NCOA1: variants seen among roughly 807,000 people sequenced by gnomAD.
The protein encoded by NCOA1 is nuclear receptor coactivator 1, also known as Hin-2 protein.
A neutral mutation model predicts 150.9 loss-of-function variants in NCOA1; 35 were observed. The observed-to-expected ratio is 0.23, with a 90% CI of 0.18 to 0.31. The LOEUF is 0.31. Ranked by LOEUF, NCOA1 falls within the 10% of genes least tolerant of loss-of-function variation. NCOA1 has a pLI of 1.00. For missense variants in NCOA1, 1,491 were observed against 1,749.3 expected (o/e 0.85, Z 2.63); for synonymous variants, 590 against 630.0 (o/e 0.94, Z 0.95).
chr2:24,751,823 G>C (rs1308178520), intron 19 of NCOA1, among the ~76,000 whole-genome samples, 159 bp from the exon 20 acceptor site: 1 of 152,096 alleles, frequency 6.6e-6, no homozygotes, highest in Non-Finnish European at 1.5e-5. Flanking sequence ...TCCATGCTCT[G>C]TTGAATGCGA....
intron 21 of NCOA1, among the ~76,000 whole-genome samples, chr2:24,759,007 A>C (rs942554442): frequency 2.0e-5 from 3 of 152,114 alleles, no homozygotes; most frequent in Admixed American, 6.6e-5. Context: ...AAACAAACAA[A>C]AAAACAGTAC....
At chr2:24,639,914 G>GTGTGTGTA (rs1670111549) in intron 3 of NCOA1, among the ~76,000 whole-genome samples, 1 of 19,570 alleles carries the variant, frequency 5.1e-5, no homozygotes, top group Non-Finnish European at 9.2e-5. Flanking sequence ...GTATGTGTGT[G>GTGTGTGTA]TGTATATATA....
chr2:24,609,242 A>G (rs1038059714), intron 3 of NCOA1, among the ~76,000 whole-genome samples: 1 of 152,200 alleles, frequency 6.6e-6, no homozygotes, highest in Non-Finnish European at 1.5e-5. Flanking sequence ...TATTTATTTA[A>G]CCATATGTTT....
chr2:24,595,561 A>AT (rs1023189159), intron 3 of NCOA1, among the ~76,000 whole-genome samples: 6 of 152,270 alleles, frequency 3.9e-5, no homozygotes, highest in African/African-American at 1.2e-4. Flanking sequence ...GCTTTCTAGA[A>AT]TCACTTAATT....
At chr2:24,745,157 CTTTTTTTTT>C (rs201221705) in intron 19 of NCOA1, among the ~76,000 whole-genome samples, 8 of 131,686 alleles carry the variant, frequency 6.1e-5, no homozygotes, top group African/African-American at 2.3e-4. Context: ...TTTCTTTTTT[CTTTTTTTTT>C]TTTTTTTTTC....
At chr2:24,760,262 C>G (rs1453218924) in intron 21 of NCOA1, among the ~76,000 whole-genome samples, 1 of 150,018 alleles carries the variant, frequency 6.7e-6, no homozygotes, top group African/African-American at 2.4e-5. Flanking sequence ...GCTTCAGACT[C>G]CCAAGTAGCT....
At chr2:24,557,095 C>T (rs764060433) in intron 1 of NCOA1, among the ~76,000 whole-genome samples, 4 of 149,842 alleles carry the variant, frequency 2.7e-5, no homozygotes, top group East Asian at 1.9e-4. Flanking sequence ...GTAGCAGCCA[C>T]GCCCCATTCC....
chr2:24,579,871 G>A (rs1667130753), intron 2 of NCOA1, among the ~76,000 whole-genome samples: 4 of 152,104 alleles, frequency 2.6e-5, no homozygotes, highest in Admixed American at 2.0e-4. Flanking sequence ...ATTAGCTCCC[G>A]CTGCCAACCA....
chr2:24,566,637 C>T (rs1666520128), intron 2 of NCOA1, among the ~76,000 whole-genome samples: 1 of 152,198 alleles, frequency 6.6e-6, no homozygotes, highest in Non-Finnish European at 1.5e-5. Context: ...GGTGAGGCTT[C>T]ACCAGGGACC....
chr2:24,762,865 G>A lies in NCOA1; in HGVS notation c.4155+89G>A. The A allele has an allele frequency of 5.1e-6, 6 of 1,188,072 alleles. No individual in the cohort carries two copies. The South Asian group carries it at 7.6e-5, about 15-fold the overall frequency. The allele number at this position is 1,188,072 out of a possible 1,614,324, so 73.6% of individuals were successfully genotyped here. On this transcript the variant is annotated intron_variant, in intron 22 of 22. Coordinates refer to ENST00000348332, the MANE Select transcript of NCOA1 (RefSeq NM_003743.5). ...GTAGCATCATTAAGAGCCTGACCTT[G>A]GGAGTCAGACCTGGGTGTGAGTCCT...
intron 1 of NCOA1, among the ~76,000 whole-genome samples, chr2:24,540,719 G>A (rs986247793): frequency 1.2e-4 from 18 of 151,932 alleles, no homozygotes; most frequent in Admixed American, 6.5e-5. Context: ...TCAGCCTCCC[G>A]AAGTGCTGGG....
At chr2:24,766,116 T>C (rs1558351280) in intron 22 of NCOA1, among the ~76,000 whole-genome samples, 1 of 151,994 alleles carries the variant, frequency 6.6e-6, no homozygotes, top group Non-Finnish European at 1.5e-5. Context: ...CCCAGGCTGG[T>C]CTCAAACTTC....
chr2:24,598,603 G>T (rs1485812513), intron 3 of NCOA1, among the ~76,000 whole-genome samples: 1 of 152,048 alleles, frequency 6.6e-6, no homozygotes, highest in Non-Finnish European at 1.5e-5. Context: ...CTTATGAGAG[G>T]CTTGGGGAAG....
chr2:24,613,610 A>G (rs1436830418), intron 3 of NCOA1, among the ~76,000 whole-genome samples: 3 of 152,188 alleles, frequency 2.0e-5, no homozygotes, highest in Non-Finnish European at 4.4e-5. Flanking sequence ...AGGTACCTGG[A>G]GATCTGCCTG....
chr2:24,501,951 A>C lies in NCOA1; in HGVS notation c.-396+10349A>C, dbSNP rs191798672. On this transcript the variant is annotated intron_variant, in intron 1 of 22. Coordinates refer to ENST00000348332, the MANE Select transcript of NCOA1 (RefSeq NM_003743.5). ...ATATCTGATGTCATTACTCAAGCCC[A>C]CCGTATGACTAGATGTGCAGTCTGT... Among the ~76,000 whole-genome samples the C allele has an allele frequency of 1.3e-3, 205 of 152,278 alleles. 4 individuals carry two copies. The highest frequency in any genetic ancestry group is 4.7e-3 in the African/African-American group (195 of 41,562).
At position 24,666,003 on chromosome 2, in the gene NCOA1, A is replaced by T. The variant is rs1406366371; in HGVS notation, c.256+88A>T. 2.9e-5 allele frequency: 22 copies of T among 759,248 alleles called. No individual in the cohort carries two copies. The East Asian group carries it at 1.2e-3, about 40-fold the overall frequency. The allele number at this position is 759,248 out of a possible 1,614,324, so 47.0% of individuals were successfully genotyped here. A position where few individuals can be genotyped will look rare whatever the true frequency, so the allele number is the denominator to read the frequency against. ...ATTTTACTTTATTATTATTATTATTATTATTTTATTATTATTATTATTTTT... is the reference window on the plus strand; with the variant it reads ...ATTTTACTTTATTATTATTATTATTTTTATTTTATTATTATTATTATTTTT... On this transcript the variant is annotated intron_variant, in intron 6 of 22. Transcript: ENST00000348332.
chr2:24,544,271 A>G (rs1665515795), intron 1 of NCOA1, among the ~76,000 whole-genome samples: 1 of 152,136 alleles, frequency 6.6e-6, no homozygotes, highest in Non-Finnish European at 1.5e-5. Context: ...TTGAGATCCA[A>G]CTGGTAGTTG....
intron 2 of NCOA1, among the ~76,000 whole-genome samples, chr2:24,580,250 C>T (rs1309452711): frequency 2.0e-5 from 3 of 152,254 alleles, no homozygotes; most frequent in Admixed American, 1.3e-4. Context: ...ATGGTTCACT[C>T]GGCTTCTTGA....
chr2:24,505,446 T>C (rs1388384528), intron 1 of NCOA1, among the ~76,000 whole-genome samples: 1 of 152,220 alleles, frequency 6.6e-6, no homozygotes, highest in Non-Finnish European at 1.5e-5. Flanking sequence ...CCCGAAGTGC[T>C]GGGATTACAA....
Sources: allele counts gnomAD v4.1 joint callset (sites outside exome capture counted in the v4.1 genomes callset), GRCh38; gene constraint gnomAD v4.1.1; transcripts MANE v1.5; gene names NCBI Gene and HGNC (gene_info 2026-07-23, HGNC 2026-07-21).